Variants in FAM81B observed in about 807,000 individuals in gnomAD.
FAM81B encodes family with sequence similarity 81 member B.
A neutral mutation model predicts 58.7 loss-of-function variants in FAM81B; 60 were observed. The observed-to-expected ratio is 1.02, with a 90% confidence interval of 0.83 to 1.27. The LOEUF is 1.27. Ranked by LOEUF, FAM81B falls within the 50% of genes most tolerant of loss-of-function variation. The probability of loss-of-function intolerance (pLI) is 0.00; values close to 1 mark genes in which losing one functional copy is unlikely to be tolerated. For missense variants in FAM81B, 491 were observed against 522.0 expected (o/e 0.94, Z 0.58); for synonymous variants, 189 against 179.6 (o/e 1.05, Z -0.42).
At chr5:95,437,204 T>C (rs1582823835) in intron 7 of FAM81B, among the ~76,000 whole-genome samples, 1 of 152,162 alleles carries the variant, frequency 6.6e-6, no homozygotes, top group African/African-American at 2.4e-5. Flanking sequence ...TATTAAAATG[T>C]CTCAATGTAA....
intron 6 of FAM81B, among the ~76,000 whole-genome samples, chr5:95,430,269 C>T (rs1744816914): frequency 6.6e-6 from 1 of 151,760 alleles, no homozygotes; most frequent in African/African-American, 2.4e-5. Context: ...TTTCATGATC[C>T]TCACAGGTAA....
chr5:95,408,559 G>A (rs1762325878), intron 3 of FAM81B, among the ~76,000 whole-genome samples: 1 of 152,208 alleles, frequency 6.6e-6, no homozygotes, highest in Non-Finnish European at 1.5e-5. Context: ...AGAGTTTGGA[G>A]GGGACCTCTT....
At chr5:95,424,578 CAT>C (rs1315832018) in intron 5 of FAM81B, among the ~76,000 whole-genome samples, 2 of 152,032 alleles carry the variant, frequency 1.3e-5, no homozygotes, top group Non-Finnish European at 2.9e-5. Flanking sequence ...GGGATACCAG[CAT>C]AGAAGTCTTG....
intron 7 of FAM81B, 59 bp downstream of exon 7, chr5:95,436,965 G>T: frequency 7.6e-7 from 1 of 1,312,134 alleles, no homozygotes; most frequent in South Asian, 1.2e-5. Flanking sequence ...TTTGCCTAAT[G>T]AAAGCATTGG....
intron 8 of FAM81B, 62 bp downstream of exon 8, chr5:95,446,759 A>G: frequency 1.3e-6 from 2 of 1,569,222 alleles, no homozygotes; most frequent in South Asian, 2.4e-5. Flanking sequence ...CAGTGAGTAA[A>G]GGTCTGGGAA....
rs1414156590 is a variant in FAM81B, at chr5:95,450,315, A to G, written c.*33A>G. 13 of 1,602,074 alleles carry G rather than the reference A, an allele frequency of 8.1e-6. No individual in the cohort carries two copies. The highest frequency in any genetic ancestry group is 1.1e-5 in the Non-Finnish European group (13 of 1,176,108). On this transcript the variant is annotated 3_prime_UTR_variant, in exon 10 of 10. Coordinates refer to ENST00000283357, the MANE Select transcript of FAM81B (RefSeq NM_152548.3). The stretch of plus-strand genomic sequence containing the variant: ...CAGTCATCTTCTTTTTCATCAGCCA[A>G]TGGAGTGATTTGTTGGAAAAAGTTC...
chr5:95,432,626 T>C (rs1021670576), intron 6 of FAM81B, among the ~76,000 whole-genome samples: 3 of 152,050 alleles, frequency 2.0e-5, no homozygotes, highest in African/African-American at 7.2e-5. Flanking sequence ...GGTTAGCTTC[T>C]ATAAATTACT....
chr5:95,414,378 A>C (rs1349611407), intron 4 of FAM81B, among the ~76,000 whole-genome samples, 188 bp downstream of exon 4: 2 of 152,214 alleles, frequency 1.3e-5, no homozygotes, highest in African/African-American at 4.8e-5. Flanking sequence ...TTTATGCCAA[A>C]AAGTAGAAGG....
chr5:95,428,787 T>G (rs1206383879), intron 6 of FAM81B, 55 bp downstream of exon 6: 1 of 1,603,362 alleles, frequency 6.2e-7, no homozygotes, highest in Non-Finnish European at 8.5e-7. Context: ...AGTAAGATCA[T>G]TATAGCTTAT....
At chr5:95,448,714 T>TTTA in intron 9 of FAM81B, 1 of 482,106 alleles carries the variant, frequency 2.1e-6, no homozygotes, top group African/African-American at 2.1e-5. Context: ...TTTTTTTTTT[T>TTTA]ACTAAGATCA....
intron 2 of FAM81B, 106 bp from the exon 3 acceptor site, chr5:95,396,005 A>G (rs760724029): frequency 2.9e-5 from 25 of 851,032 alleles, no homozygotes; most frequent in Non-Finnish European, 4.7e-5. Flanking sequence ...TATCTGGTCT[A>G]TGGTATACAT....
rs373970142 is a variant in FAM81B at position 95,447,050 on chromosome 5, T to C, written c.1029+353T>C. ...GGTTAAAGGCACACTCCCTGAGTGA[T>C]GTGCAGACAAGTCATTTGACTTTTC... is the stretch of plus-strand genomic sequence containing the variant. On this transcript the variant is annotated intron_variant, in intron 8 of 9. Transcript: ENST00000283357. Among the ~76,000 whole-genome samples the C allele has an allele frequency of 5.3e-5, 8 of 152,066 alleles. 1 individual carries two copies. The highest frequency in any genetic ancestry group is 9.7e-5 in the African/African-American group (4 of 41,406).
chr5:95,400,930 C>G (rs115363827), intron 3 of FAM81B, among the ~76,000 whole-genome samples: 1 of 151,150 alleles, frequency 6.6e-6, no homozygotes, highest in Admixed American at 6.6e-5. Flanking sequence ...TCCCCACCCC[C>G]ACCCCCAAAG....
intron 6 of FAM81B, among the ~76,000 whole-genome samples, chr5:95,429,878 A>G (rs1032211091): frequency 2.6e-5 from 4 of 152,178 alleles, no homozygotes; most frequent in Non-Finnish European, 5.9e-5. Context: ...AGTGATTCCT[A>G]CTTAGTTTTT....
In FAM81B at chr5:95,439,236, GTATATATATATA is replaced by G. The variant is rs577076287; in HGVS notation, c.893+2348_893+2359del. Among the ~76,000 whole-genome samples the G allele has an allele frequency of 1.4e-3, 143 of 105,194 alleles. 4 individuals are homozygous for G. Among genetic ancestry groups the G allele is most frequent in the East Asian group, 3.7e-3 (15 of 4,004 alleles). 69.0% of individuals were successfully genotyped at this position (105,194 alleles called of 152,430 possible). A position where few individuals can be genotyped will look rare whatever the true frequency, so the allele number is the denominator to read the frequency against. Reference sequence around the variant, plus strand: ...ATAGGCAAGCTTGCTAGGTTAAAGAGTATATATATATATATATATATATATATATGTATATTT... The same window carrying G: ...ATAGGCAAGCTTGCTAGGTTAAAGAGTATATATATATATATATGTATATTT... On this transcript the variant is annotated intron_variant, in intron 7 of 9. Transcript: ENST00000283357.
At chr5:95,395,222 A>C (rs1409029223) in intron 2 of FAM81B, among the ~76,000 whole-genome samples, 1 of 151,928 alleles carries the variant, frequency 6.6e-6, no homozygotes, top group Non-Finnish European at 1.5e-5. Flanking sequence ...GGCGGATCAC[A>C]AGGTCAGGAG....
chr5:95,395,375 G>A (rs1025222587), intron 2 of FAM81B, among the ~76,000 whole-genome samples: 1 of 150,708 alleles, frequency 6.6e-6, no homozygotes, highest in Non-Finnish European at 1.5e-5. Context: ...CCCGGGAGGC[G>A]GAGCTTGCAG....
chr5:95,411,231 T>C (rs1484455149), intron 3 of FAM81B, among the ~76,000 whole-genome samples: 1 of 152,126 alleles, frequency 6.6e-6, no homozygotes, highest in Non-Finnish European at 1.5e-5. Context: ...ACTATTCCAT[T>C]AACGGGTTTG....
At chr5:95,413,387 T>C (rs1200551955) in intron 3 of FAM81B, among the ~76,000 whole-genome samples, 1 of 152,222 alleles carries the variant, frequency 6.6e-6, no homozygotes, top group Non-Finnish European at 1.5e-5. Flanking sequence ...TTTGGGATTA[T>C]GATTGGTACC....
Sources: gnomAD v4.1 joint callset for allele counts (sites outside exome capture counted in the v4.1 genomes callset) on GRCh38, gnomAD v4.1.1 for gene constraint, MANE v1.5 for transcripts, NCBI Gene and HGNC (gene_info 2026-07-23, HGNC 2026-07-21) for gene names.